The following TMEM108 variants were observed in gnomAD, a reference collection of about 807,000 sequenced individuals.
The protein encoded by TMEM108 is cancer/testis antigen 124.
Under a neutral mutation model 35.1 loss-of-function variants are expected in TMEM108, and 12 were observed. The ratio of observed to expected loss-of-function variants is 0.34; its 90% CI spans 0.22 to 0.55. The LOEUF (loss-of-function observed/expected upper bound fraction) is 0.55, where lower values mean the gene tolerates loss of function less well. TMEM108 is among the 20% of genes least tolerant of loss of function. The probability of loss-of-function intolerance (pLI) is 0.89; values close to 1 mark genes in which losing one functional copy is unlikely to be tolerated. For missense variants in TMEM108, 680 were observed against 753.3 expected, an observed-to-expected ratio of 0.90 and a Z score of 1.14; for synonymous variants, 287 against 308.6, an observed-to-expected ratio of 0.93 and a Z score of 0.73.
chr3:133,331,102 TA>T (rs1559906835), intron 3 of TMEM108, among the ~76,000 whole-genome samples: 1 of 152,112 alleles, frequency 6.6e-6, no homozygotes, highest in Non-Finnish European at 1.5e-5. Context: ...AAACCTCTAA[TA>T]AAAAATCAAA....
chr3:133,127,643 C>G (rs544186334), intron 2 of TMEM108, among the ~76,000 whole-genome samples: 46 of 152,342 alleles, frequency 3.0e-4, no homozygotes, highest in South Asian at 4.1e-4. Flanking sequence ...CTGCCTCCCT[C>G]AGGCTCCTCT....
chr3:133,139,434 TGTTTCTCATCTGTGTAATAAAGGAA>T (rs1448914485), intron 2 of TMEM108, among the ~76,000 whole-genome samples: 1 of 152,224 alleles, frequency 6.6e-6, no homozygotes, highest in East Asian at 1.9e-4. Context: ...AGAGGCCTTG[TGTTTCTCATCTGTGTAATAAAGGAA>T]GTGATATAGA....
intron 3 of TMEM108, among the ~76,000 whole-genome samples, chr3:133,242,689 AT>A (rs138729808): frequency 9.3e-4 from 141 of 152,326 alleles, no homozygotes; most frequent in South Asian, 2.3e-3. Flanking sequence ...TGCTAGATGC[AT>A]GATTGTTCCG....
At chr3:133,254,457 G>C (rs1413670578) in intron 3 of TMEM108, among the ~76,000 whole-genome samples, 1 of 152,160 alleles carries the variant, frequency 6.6e-6, no homozygotes, top group Non-Finnish European at 1.5e-5. Context: ...CTGGGACCCA[G>C]CTAAAACAAA....
chr3:133,380,600 A>T lies in TMEM108; in HGVS notation c.889A>T (p.Thr297Ser), dbSNP rs141810133. 2 of 1,613,228 alleles carry T rather than the reference A, an allele frequency of 1.2e-6. No homozygotes were observed. Among genetic ancestry groups the T allele is most frequent in the Non-Finnish European group, 1.7e-6 (2 of 1,179,574 alleles). The change falls in exon 4 of 6, where the codon ACA (threonine) becomes TCA (serine). Residue 297 changes from threonine to serine, a missense_variant. By Grantham distance (58) the Thr-to-Ser change is moderately conservative (BLOSUM62 1). Around this residue, in one of 3 missense-constraint regions of TMEM108, gnomAD observed 526 missense variants for 532.1 expected, o/e 0.99. Transcript: ENST00000321871. This position sits in a 1 kb window ranked among gnomAD's most constrained non-coding sequence, Gnocchi z 5.3. ...GGSTFTSQGG[T>S]PDATAASGAP... The stretch of plus-strand genomic sequence containing the variant: ...TTCTACCTTCACCAGCCAAGGAGGG[A>T]CACCAGATGCCACAGCAGCCTCAGG...
rs528190087 is a variant in TMEM108, at chr3:133,267,653, T to C, written c.40+38302T>C. On this transcript the variant is annotated intron_variant, in intron 3 of 5. Coordinates refer to ENST00000321871, the MANE Select transcript of TMEM108 (RefSeq NM_023943.4). ...ACTGGAGATTCTAATGAAATGTCTC[T>C]CATATGATTATGGTTGTGGTCAAGG... is the stretch of plus-strand genomic sequence containing the variant. Among the ~76,000 whole-genome samples, 8 of 152,262 alleles carry C rather than the reference T, an allele frequency of 5.3e-5. No homozygotes were observed. The South Asian group carries it at 1.7e-3, about 32-fold the overall frequency.
rs562283949 is a variant in TMEM108, at chr3:133,176,919, C to A, written c.-46-52347C>A. 1.7e-3 allele frequency among the ~76,000 whole-genome samples: 252 copies of A among 151,960 alleles called. 1 individual carries two copies. Among genetic ancestry groups the A allele is most frequent in the African/African-American group, 5.4e-3 (225 of 41,398 alleles). The stretch of plus-strand genomic sequence containing the variant: ...ATCAACAAAATTGATAGACCGCTAG[C>A]AAGACTAATAAAGAAGAAAAGAGAG... On this transcript the variant is annotated intron_variant, in intron 2 of 5. Transcript: ENST00000321871.
intron 4 of TMEM108, chr3:133,389,443 G>A (rs2073200253): frequency 3.1e-6 from 3 of 972,006 alleles, no homozygotes; most frequent in South Asian, 4.8e-5. Flanking sequence ...CAGCACTTTA[G>A]GAGGCTGAGG....
intron 2 of TMEM108, among the ~76,000 whole-genome samples, chr3:133,048,497 T>G (rs1943365346): frequency 6.6e-6 from 1 of 152,246 alleles, no homozygotes; most frequent in Non-Finnish European, 1.5e-5. Flanking sequence ...GCCATAACTC[T>G]GACCTAGACC....
At chr3:133,249,114 C>T (rs555259689) in intron 3 of TMEM108, among the ~76,000 whole-genome samples, 8 of 152,280 alleles carry the variant, frequency 5.3e-5, no homozygotes, top group African/African-American at 1.9e-4. Context: ...ATAATCATGA[C>T]ATCTCCTTCA....
chr3:133,141,793 C>T (rs2107756585), intron 2 of TMEM108, among the ~76,000 whole-genome samples: 1 of 152,214 alleles, frequency 6.6e-6, no homozygotes, highest in East Asian at 1.9e-4. Flanking sequence ...AAGAAAGGAC[C>T]TTGGGTTAGT....
intron 3 of TMEM108, among the ~76,000 whole-genome samples, chr3:133,336,414 G>A (rs1249147402): frequency 2.6e-5 from 4 of 152,106 alleles, no homozygotes; most frequent in East Asian, 3.9e-4. Context: ...AGTGGGATAG[G>A]GCAACAGTCA....
At chr3:133,391,223 A>G (rs2073230083) in intron 5 of TMEM108, among the ~76,000 whole-genome samples, 1 of 152,222 alleles carries the variant, frequency 6.6e-6, no homozygotes, top group Non-Finnish European at 1.5e-5. Flanking sequence ...ATGGATAAGG[A>G]AAGAAAATAA....
chr3:133,177,445 G>A (rs1295747650), intron 2 of TMEM108, among the ~76,000 whole-genome samples: 1 of 152,180 alleles, frequency 6.6e-6, no homozygotes, highest in East Asian at 1.9e-4. Flanking sequence ...AAATCCAGCA[G>A]CACATCAAAA....
At chr3:133,374,375 A>T (rs899724502) in intron 3 of TMEM108, among the ~76,000 whole-genome samples, 2 of 152,134 alleles carry the variant, frequency 1.3e-5, no homozygotes, top group Non-Finnish European at 2.9e-5. Context: ...TGCAGTAGAA[A>T]ACCTAGTTTA....
intron 3 of TMEM108, among the ~76,000 whole-genome samples, chr3:133,232,324 G>A (rs1295054950): frequency 6.6e-6 from 1 of 152,124 alleles, no homozygotes; most frequent in East Asian, 1.9e-4. Context: ...GATGCCCCAA[G>A]AGCTGGTTGT....
intron 2 of TMEM108, among the ~76,000 whole-genome samples, chr3:133,118,121 T>C (rs191640003): frequency 6.6e-6 from 1 of 152,150 alleles, no homozygotes; most frequent in Non-Finnish European, 1.5e-5. Flanking sequence ...CTAGGTTCTC[T>C]GATTTCTAGG....
At chr3:133,247,302 G>A (rs1057124838) in intron 3 of TMEM108, 3 of 152,104 alleles carry the variant, frequency 2.0e-5, no homozygotes, top group African/African-American at 7.2e-5. Context: ...CCTTTTGCTT[G>A]TTGTTCACTT....
At chr3:133,225,466 C>T (rs1011518168) in intron 2 of TMEM108, among the ~76,000 whole-genome samples, 2 of 152,140 alleles carry the variant, frequency 1.3e-5, no homozygotes, top group African/African-American at 4.8e-5. Flanking sequence ...GTTGTACCCC[C>T]CTCCCCCAAA....
Sources: gnomAD v4.1 joint callset for allele counts (sites outside exome capture counted in the v4.1 genomes callset) on GRCh38, gnomAD v4.1.1 for gene constraint, gnomAD v4.1.1 regional missense constraint, Gnocchi (gnomAD v3.1) non-coding constraint, MANE v1.5 for transcripts, NCBI Gene and HGNC (gene_info 2026-07-23, HGNC 2026-07-21) for gene names.